NFE2L3: variants seen among roughly 807,000 people sequenced by gnomAD.
NFE2L3 encodes the protein nuclear factor erythroid 2-related factor 3.
NFE2L3 carries 18 observed loss-of-function variants against 23.5 expected under a neutral mutation model. The observed-to-expected ratio is 0.77, with a 90% CI of 0.53 to 1.13. The LOEUF (loss-of-function observed/expected upper bound fraction) is 1.13, where lower values mean the gene tolerates loss of function less well. NFE2L3 is among the 50% of genes most tolerant of loss of function. The pLI, the probability that NFE2L3 is intolerant of heterozygous loss-of-function variation, is 0.00. For missense variants in NFE2L3, 1,152 were observed against 877.2 expected (o/e 1.31, Z -3.96); for synonymous variants, 424 against 354.5 (o/e 1.20, Z -2.20).
intron 1 of NFE2L3, among the ~76,000 whole-genome samples, chr7:26,158,841 T>C (rs1736394710): frequency 6.6e-6 from 1 of 152,164 alleles, no homozygotes; most frequent in Non-Finnish European, 1.5e-5. Flanking sequence ...GGCTGTGTGA[T>C]CTGGGGCACA....
At chr7:26,157,331 C>G (rs1038036800) in intron 1 of NFE2L3, among the ~76,000 whole-genome samples, 1 of 151,854 alleles carries the variant, frequency 6.6e-6, no homozygotes, top group Non-Finnish European at 1.5e-5. Context: ...ACGCGCACCA[C>G]TGCTTCTGGC....
At chr7:26,157,371 GTCTC>G (rs1420784870) in intron 1 of NFE2L3, among the ~76,000 whole-genome samples, 1 of 151,422 alleles carries the variant, frequency 6.6e-6, no homozygotes, top group Non-Finnish European at 1.5e-5. Context: ...TAGAAATAAG[GTCTC>G]TCTGTGTTGC....
chr7:26,178,337 G>A (rs945697422), intron 2 of NFE2L3, among the ~76,000 whole-genome samples: 1 of 152,188 alleles, frequency 6.6e-6, no homozygotes, highest in African/African-American at 2.4e-5. Flanking sequence ...TTAAACTCAA[G>A]ATTTTGTGTG....
chr7:26,183,915 C>G, intron 3 of NFE2L3, 131 bp downstream of exon 3: 1 of 647,602 alleles, frequency 1.5e-6, no homozygotes. Flanking sequence ...AGCACTTCAG[C>G]TTAGAATTAA....
At chr7:26,182,258 C>G (rs963110905) in intron 2 of NFE2L3, among the ~76,000 whole-genome samples, 76 of 151,976 alleles carry the variant, frequency 5.0e-4, no homozygotes, top group Admixed American at 2.0e-4. Flanking sequence ...TGCCATAAGA[C>G]AGAGTACTGA....
At chr7:26,179,544 G>A (rs1784470446) in intron 2 of NFE2L3, among the ~76,000 whole-genome samples, 3 of 150,260 alleles carry the variant, frequency 2.0e-5, no homozygotes, top group Admixed American at 6.7e-5. Context: ...TTCCAAGAAC[G>A]CTGAACCAAA....
intron 1 of NFE2L3, among the ~76,000 whole-genome samples, chr7:26,163,831 AGT>A (rs1784207406): frequency 6.7e-6 from 1 of 148,942 alleles, no homozygotes; most frequent in South Asian, 2.1e-4. Context: ...AACAGGCCCC[AGT>A]GTGTGATGTT....
intron 1 of NFE2L3, among the ~76,000 whole-genome samples, chr7:26,158,972 T>G (rs372292822): frequency 6.6e-6 from 1 of 152,360 alleles, no homozygotes. Context: ...TGATACACTA[T>G]TAATAATTCA....
intron 1 of NFE2L3, among the ~76,000 whole-genome samples, chr7:26,167,455 G>C (rs777702031): frequency 6.6e-6 from 1 of 152,074 alleles, no homozygotes; most frequent in Admixed American, 6.5e-5. Flanking sequence ...CAAGTCAGTA[G>C]GTGTTTAGTT....
In NFE2L3 at chr7:26,184,966, TAG is replaced by T; in HGVS notation, c.1270_1271del (p.Asp424PhefsTer5). Reference sequence around the variant, plus strand: ...CCAGATTCTGATTCTGGCCTTTCTTTAGATTCAAGTCACAATAATACCTCTGT... The same window carrying T: ...CCAGATTCTGATTCTGGCCTTTCTTTATTCAAGTCACAATAATACCTCTGT... On this transcript the variant is annotated frameshift_variant, in exon 4 of 4. Transcript: ENST00000056233. LOFTEE classifies it low-confidence loss of function (END_TRUNC). 1 of 1,613,932 alleles carries T rather than the reference TAG, an allele frequency of 6.2e-7. No homozygotes were observed. Among genetic ancestry groups the T allele is most frequent in the South Asian group, 1.1e-5 (1 of 91,076 alleles).
intron 2 of NFE2L3, among the ~76,000 whole-genome samples, chr7:26,182,218 A>G (rs1784528665): frequency 6.6e-6 from 1 of 152,002 alleles, no homozygotes; most frequent in Non-Finnish European, 1.5e-5. Flanking sequence ...TATAAATAAC[A>G]CTGAGAGCAA....
chr7:26,168,001 G>A (rs1320950843), intron 1 of NFE2L3, among the ~76,000 whole-genome samples: 2 of 151,856 alleles, frequency 1.3e-5, no homozygotes, highest in African/African-American at 2.4e-5. Context: ...CTTTAGTGGC[G>A]ATTTGTGAGA....
intron 2 of NFE2L3, 71 bp from the exon 3 acceptor site, chr7:26,183,610 TAATACCTGGTGATCCTTTAA>T: frequency 1.3e-6 from 1 of 766,356 alleles, no homozygotes; most frequent in Non-Finnish European, 2.3e-6. Context: ...AGTGTGGAAA[TAATACCTGGTGATCCTTTAA>T]AGATAAAGCC....
At chr7:26,154,047 T>G (rs1447430045) in intron 1 of NFE2L3, among the ~76,000 whole-genome samples, 2 of 152,210 alleles carry the variant, frequency 1.3e-5, no homozygotes, top group African/African-American at 4.8e-5. Flanking sequence ...TAAACTGGTT[T>G]GTTTGTTGCT....
chr7:26,180,540 A>G (rs1784489370), intron 2 of NFE2L3, among the ~76,000 whole-genome samples: 1 of 152,242 alleles, frequency 6.6e-6, no homozygotes, highest in Non-Finnish European at 1.5e-5. Flanking sequence ...TGAAGAGGAC[A>G]ACATTTCTGC....
At chr7:26,162,598 C>T (rs1271102342) in intron 1 of NFE2L3, among the ~76,000 whole-genome samples, 2 of 152,116 alleles carry the variant, frequency 1.3e-5, no homozygotes, top group East Asian at 3.8e-4. Context: ...TACTGCCGCC[C>T]CCATGGAACA....
At chr7:26,176,960 G>A (rs1384967865) in intron 1 of NFE2L3, among the ~76,000 whole-genome samples, 98 of 58,688 alleles carry the variant, frequency 1.7e-3, no homozygotes, top group Non-Finnish European at 2.8e-3. Context: ...CTTCCTAGAC[G>A]GGGTGGCAGC....
intron 1 of NFE2L3, among the ~76,000 whole-genome samples, chr7:26,167,864 C>T (rs1784274402): frequency 6.6e-6 from 1 of 152,248 alleles, no homozygotes; most frequent in South Asian, 2.1e-4. Flanking sequence ...AGGAGTAATT[C>T]ATGTTTATAT....
intron 1 of NFE2L3, among the ~76,000 whole-genome samples, chr7:26,153,348 G>A (rs1344252214): frequency 6.6e-6 from 1 of 152,208 alleles, no homozygotes; most frequent in Non-Finnish European, 1.5e-5. Flanking sequence ...GAGTAGTTCG[G>A]GGATGGGGAG....
Sources: allele counts gnomAD v4.1 joint callset (sites outside exome capture counted in the v4.1 genomes callset), GRCh38; gene constraint gnomAD v4.1.1; transcripts MANE v1.5; gene names NCBI Gene and HGNC (gene_info 2026-07-23, HGNC 2026-07-21).